The following ZIM2 variants were observed in gnomAD, a reference collection of about 807,000 sequenced individuals.
ZIM2 encodes the protein zinc finger protein 656.
ZIM2 carries 14 observed loss-of-function variants against 38.6 expected under a neutral mutation model. The observed-to-expected ratio is 0.36, with a 90% confidence interval of 0.24 to 0.57. ZIM2 has a LOEUF of 0.57. Among genes scored for constraint, ZIM2 ranks in the 20% least tolerant of loss-of-function variants. The pLI, the probability that ZIM2 is intolerant of heterozygous loss-of-function variation, is 0.81. For synonymous variants in ZIM2, 247 were observed against 245.8 expected (o/e 1.00, Z -0.04); for missense variants, 680 against 695.1 (o/e 0.98, Z 0.24).
chr19:56,822,637 G>A (rs776490750), intron 6 of ZIM2, 116 bp downstream of exon 6: 25 of 1,412,990 alleles, frequency 1.8e-5, no homozygotes, highest in East Asian at 1.3e-4. Flanking sequence ...TTGGGGAAGC[G>A]GAATATACTC....
At chr19:56,779,112 T>G (rs11084467) in intron 12 of ZIM2, among the ~76,000 whole-genome samples, 2 of 151,680 alleles carry the variant, frequency 1.3e-5, no homozygotes. Flanking sequence ...GAGAGATGTA[T>G]GATGTTTAGC....
At chr19:56,823,544 T>A (rs1244053344) in intron 5 of ZIM2, 46 bp downstream of exon 5, 2 of 1,611,832 alleles carry the variant, frequency 1.2e-6, no homozygotes, top group African/African-American at 2.7e-5. Flanking sequence ...TCTGGAAGCA[T>A]CTGGCAGCGC....
At position 56,821,742 on chromosome 19, in the gene ZIM2, C is replaced by T. The variant is rs2060506431; in HGVS notation, c.203G>A (p.Arg68Gln). Reference sequence around the variant, plus strand: ...CGCCACCACAGGAAGGGAAAGATCCCGCGGAGGCATCCCTGGGAAGAAAAA... The same window carrying T: ...CGCCACCACAGGAAGGGAAAGATCCTGCGGAGGCATCCCTGGGAAGAAAAA... The part of the protein sequence containing the change: ...TRNPRSRMPP[R>Q]DLSLPVVAKT... The change falls in exon 7 of 13, where the codon CGG becomes CAG. Residue 68 changes from arginine to glutamine, a missense_variant. Coordinates refer to ENST00000629319, the MANE Select transcript of ZIM2 (RefSeq NM_001387356.1). 1.2e-6 allele frequency: 2 copies of T among 1,613,936 alleles called. No individual in the cohort carries two copies. The highest frequency in any genetic ancestry group is 1.7e-6 in the Non-Finnish European group (2 of 1,180,024).
intron 9 of ZIM2, among the ~76,000 whole-genome samples, chr19:56,805,178 C>A (rs2047697485): frequency 1.3e-5 from 2 of 152,178 alleles, no homozygotes. Flanking sequence ...GCAGCTTCCA[C>A]CTATGAGATG....
At chr19:56,840,388 C>T (rs1332963676) in intron 1 of ZIM2, among the ~76,000 whole-genome samples, 194 bp downstream of exon 1, 1 of 152,202 alleles carries the variant, frequency 6.6e-6, no homozygotes, top group Non-Finnish European at 1.5e-5. Context: ...CACAGCCTGG[C>T]CGCCACTGTG....
rs1386359076 is a variant in ZIM2 at position 56,839,799 on chromosome 19, C to G, written c.-314+783G>C. On this transcript the variant is annotated intron_variant, in intron 1 of 12. Coordinates refer to ENST00000629319, the MANE Select transcript of ZIM2 (RefSeq NM_001387356.1). ...GCCTGCGCGGCAAACCTCAGCCACC[C>G]TCATAAAAGATGGCACCCAGTGGGT... 2.0e-5 allele frequency among the ~76,000 whole-genome samples: 3 copies of G among 152,260 alleles called. No homozygotes were observed. The East Asian group carries it at 5.8e-4, about 30-fold the overall frequency.
chr19:56,810,806 G>A, intron 9 of ZIM2: 2 of 972,968 alleles, frequency 2.1e-6, no homozygotes, highest in Non-Finnish European at 2.4e-6. Flanking sequence ...TAGTTGTTAG[G>A]TGTTGGGAAT....
intron 7 of ZIM2, among the ~76,000 whole-genome samples, 155 bp from the exon 8 acceptor site, chr19:56,818,857 G>C (rs1003703171): frequency 1.3e-5 from 2 of 152,166 alleles, no homozygotes; most frequent in African/African-American, 4.8e-5. Flanking sequence ...GTGTTACTAG[G>C]GACCTACGTC....
intron 9 of ZIM2, among the ~76,000 whole-genome samples, chr19:56,795,449 G>A (rs2047156545): frequency 6.6e-6 from 1 of 152,282 alleles, no homozygotes; most frequent in East Asian, 1.9e-4. Context: ...ATCCTACCCC[G>A]GGCCCAGCGA....
chr19:56,831,908 T>C (rs1201835830), intron 2 of ZIM2, among the ~76,000 whole-genome samples: 1 of 152,222 alleles, frequency 6.6e-6, no homozygotes, highest in Non-Finnish European at 1.5e-5. Context: ...CAATGGAATA[T>C]AATGCAGTTT....
chr19:56,797,367 T>C (rs2047283796), intron 9 of ZIM2, among the ~76,000 whole-genome samples: 1 of 152,260 alleles, frequency 6.6e-6, no homozygotes, highest in Non-Finnish European at 1.5e-5. Flanking sequence ...GCTGAAAGCA[T>C]GACAAAATTT....
intron 9 of ZIM2, among the ~76,000 whole-genome samples, chr19:56,791,472 T>C (rs2046927180): frequency 6.6e-6 from 1 of 152,226 alleles, no homozygotes; most frequent in Non-Finnish European, 1.5e-5. Flanking sequence ...ATCATAATCC[T>C]TAGTTCATGA....
Position 56,814,281 on chromosome 19 carries a change from A to T in ZIM2, c.490+3465T>A. On this transcript the variant is annotated intron_variant, in intron 9 of 12. Coordinates refer to ENST00000629319, the MANE Select transcript of ZIM2 (RefSeq NM_001387356.1). This position sits in a 1 kb window ranked among gnomAD's most constrained non-coding sequence, Gnocchi z 5.8. ...CAGCAGCCTCTACGTTTAAGCCCTG[A>T]ATCCTCAGAACTACTTGTGGAACAT... The T allele has an allele frequency of 6.2e-7, 1 of 1,613,948 alleles. No homozygotes were observed. Among genetic ancestry groups the T allele is most frequent in the South Asian group, 1.1e-5 (1 of 91,088 alleles).
At chr19:56,833,257 C>T in intron 2 of ZIM2, 1 of 473,376 alleles carries the variant, frequency 2.1e-6, no homozygotes, top group Non-Finnish European at 4.2e-6. Flanking sequence ...CCATGGTGCA[C>T]CTAGATTCAG....
chr19:56,837,865 G>A (rs569285346), intron 1 of ZIM2, among the ~76,000 whole-genome samples: 1 of 152,194 alleles, frequency 6.6e-6, no homozygotes, highest in East Asian at 1.9e-4. Flanking sequence ...TAGGATGGAC[G>A]GGGCTCACGC....
intron 2 of ZIM2, among the ~76,000 whole-genome samples, chr19:56,832,487 A>G (rs980836480): frequency 3.3e-5 from 5 of 152,178 alleles, no homozygotes; most frequent in Non-Finnish European, 5.9e-5. Flanking sequence ...GGGCAAACCC[A>G]TATCCTTCCT....
chr19:56,800,383 A>G (rs1265367129), intron 9 of ZIM2, among the ~76,000 whole-genome samples: 5 of 152,200 alleles, frequency 3.3e-5, no homozygotes, highest in Admixed American at 3.3e-4. Flanking sequence ...GTTTCTAAAA[A>G]TTACAGAATG....
chr19:56,795,181 C>T (rs531504169), intron 9 of ZIM2, among the ~76,000 whole-genome samples: 22 of 152,280 alleles, frequency 1.4e-4, no homozygotes, highest in African/African-American at 4.1e-4. Flanking sequence ...CAGCCTCCGG[C>T]CTTGGGGTGG....
At chr19:56,783,739 T>A (rs2046444700) in intron 10 of ZIM2, among the ~76,000 whole-genome samples, 1 of 152,150 alleles carries the variant, frequency 6.6e-6, no homozygotes, top group Admixed American at 6.6e-5. Context: ...GCTTACTATC[T>A]GAGGTGACAT....
Sources: gnomAD v4.1 joint callset for allele counts (sites outside exome capture counted in the v4.1 genomes callset) on GRCh38, gnomAD v4.1.1 for gene constraint, Gnocchi (gnomAD v3.1) non-coding constraint, MANE v1.5 for transcripts, NCBI Gene and HGNC (gene_info 2026-07-23, HGNC 2026-07-21) for gene names.